The following ZNF236 variants were observed in gnomAD, a reference collection of about 807,000 sequenced individuals.
The protein encoded by ZNF236 is regulated by glucose.
Under a neutral mutation model 191.2 loss-of-function variants are expected in ZNF236, and 50 were observed. That is an observed-to-expected ratio of 0.26 (90% CI 0.21 to 0.33). The LOEUF (loss-of-function observed/expected upper bound fraction) is 0.33, where lower values mean the gene tolerates loss of function less well. ZNF236 is among the 10% of genes least tolerant of loss of function. The pLI, the probability that ZNF236 is intolerant of heterozygous loss-of-function variation, is 1.00. For synonymous variants in ZNF236, 907 were observed against 928.8 expected, an observed-to-expected ratio of 0.98 and a Z score of 0.43; for missense variants, 1,754 against 2,374.5, an observed-to-expected ratio of 0.74 and a Z score of 5.43.
intron 1 of ZNF236, 129 bp from the exon 2 acceptor site, chr18:76,849,397 A>G: frequency 1.5e-6 from 1 of 689,056 alleles, no homozygotes; most frequent in Non-Finnish European, 2.3e-6. Context: ...TATATCATTA[A>G]TTTCGTCTAA....
At chr18:76,855,900 T>A (rs1976028406) in intron 3 of ZNF236, among the ~76,000 whole-genome samples, 1 of 152,172 alleles carries the variant, frequency 6.6e-6, no homozygotes, top group Admixed American at 6.5e-5. Context: ...TTAATAGAAA[T>A]GTGAGATATA....
At position 76,895,004 on chromosome 18, in the gene ZNF236, C is replaced by T. The variant is rs1977358984; in HGVS notation, c.1418-9C>T. On this transcript the variant is annotated splice_polypyrimidine_tract_variant and intron_variant, in intron 9 of 30. Transcript: ENST00000320610. ...CAGGCCAAGCGGGACGTGTCCTCTC[C>T]CTTCACAGGCTCCATCCGCGAGGAG... 1.2e-6 allele frequency: 2 copies of T among 1,607,260 alleles called. No homozygotes were observed. The highest frequency in any genetic ancestry group is 2.2e-5 in the East Asian group (1 of 44,896).
In ZNF236 at chr18:76,899,166, C is replaced by G; in HGVS notation, c.1838C>G (p.Thr613Arg). The G allele has an allele frequency of 1.2e-6, 2 of 1,614,140 alleles. No individual in the cohort carries two copies. Among genetic ancestry groups the G allele is most frequent in the Non-Finnish European group, 1.7e-6 (2 of 1,180,000 alleles). Residue 613 changes from threonine to arginine, a missense_variant, in exon 11 of 31, where the codon ACG becomes AGG. Thr to Arg is a moderately conservative substitution (Grantham distance 71). Coordinates refer to ENST00000320610, the MANE Select transcript of ZNF236 (RefSeq NM_001306089.2). Reference sequence around the variant, plus strand: ...CCTGCAAAGGTCCGTGTTGGCAAGACGAATATTCCAGTCCCTGATATTCCT... The same window carrying G: ...CCTGCAAAGGTCCGTGTTGGCAAGAGGAATATTCCAGTCCCTGATATTCCT... ...RKPAKVRVGK[T>R]NIPVPDIPLQ...
intron 27 of ZNF236, among the ~76,000 whole-genome samples, chr18:76,951,381 C>G (rs1436733894): frequency 6.6e-6 from 1 of 152,342 alleles, no homozygotes; most frequent in Non-Finnish European, 1.5e-5. Flanking sequence ...GGAGAACTTG[C>G]TGCAGCTTCT....
intron 3 of ZNF236, among the ~76,000 whole-genome samples, chr18:76,859,870 G>A (rs1363060815): frequency 6.6e-6 from 1 of 152,140 alleles, no homozygotes; most frequent in Admixed American, 6.5e-5. Flanking sequence ...AACATGGGGT[G>A]GCCTGAGGCA....
intron 1 of ZNF236, among the ~76,000 whole-genome samples, chr18:76,837,127 T>TCCCCCCCCCCCCCCCCC (rs57114708): frequency 1.3e-4 from 5 of 37,064 alleles, no homozygotes; most frequent in Admixed American, 3.3e-4. Context: ...CCGCACCCCC[T>TCCCCCCCCCCCCCCCCC]CCCCCCCCCC....
At position 76,866,047 on chromosome 18, in the gene ZNF236, A is replaced by G. The variant is rs73487071; in HGVS notation, c.364-2638A>G. Among the ~76,000 whole-genome samples, 1,245 of 152,332 alleles carry G rather than the reference A, an allele frequency of 8.2e-3. 16 individuals are homozygous for G. Among genetic ancestry groups the G allele is most frequent in the African/African-American group, 0.028 (1,167 of 41,578 alleles). On this transcript the variant is annotated intron_variant, in intron 3 of 30. Coordinates refer to ENST00000320610, the MANE Select transcript of ZNF236 (RefSeq NM_001306089.2). ...AAGAGTAAACCAGAAAAATTACTGT[A>G]GTTTTTAAATCACTTAGGAATTTTT...
intron 10 of ZNF236, chr18:76,898,260 G>A (rs1377394197): frequency 6.6e-6 from 1 of 152,054 alleles, no homozygotes; most frequent in Non-Finnish European, 1.5e-5. Context: ...CCATTTTAAT[G>A]TGTACACTTC....
At chr18:76,903,760 A>G (rs1036055870) in intron 11 of ZNF236, among the ~76,000 whole-genome samples, 2 of 152,062 alleles carry the variant, frequency 1.3e-5, no homozygotes, top group African/African-American at 2.4e-5. Context: ...TACATGGTCA[A>G]CCTGAAGGAA....
chr18:76,950,621 C>T (rs1968382498), intron 27 of ZNF236, among the ~76,000 whole-genome samples: 1 of 152,246 alleles, frequency 6.6e-6, no homozygotes, highest in South Asian at 2.1e-4. Context: ...GTTACTTCTT[C>T]TGCTGAAGTC....
intron 9 of ZNF236, among the ~76,000 whole-genome samples, chr18:76,894,207 T>C (rs1306106086): frequency 3.3e-5 from 5 of 152,216 alleles, no homozygotes. Context: ...AATGGAAAAT[T>C]CCAGAAATAA....
intron 1 of ZNF236, among the ~76,000 whole-genome samples, chr18:76,844,254 A>C (rs1256051676): frequency 6.6e-6 from 1 of 150,620 alleles, no homozygotes; most frequent in African/African-American, 2.4e-5. Context: ...AAAAAAAAAA[A>C]GGAAAAGTAG....
intron 3 of ZNF236, among the ~76,000 whole-genome samples, chr18:76,861,063 C>T (rs1976205487): frequency 6.6e-6 from 1 of 152,200 alleles, no homozygotes; most frequent in Non-Finnish European, 1.5e-5. Context: ...CTGAACTTAG[C>T]ACCCTCATAC....
rs566728088 is a variant in ZNF236 at position 76,831,052 on chromosome 18, T to C, written c.55+8390T>C. 3.9e-5 allele frequency among the ~76,000 whole-genome samples: 6 copies of C among 152,358 alleles called. No individual in the cohort carries two copies. In the East Asian group the frequency reaches 9.6e-4, roughly 24 times the overall value. On this transcript the variant is annotated intron_variant, in intron 1 of 30. Transcript: ENST00000320610. ...CTATTGGTAACATCTTGCATTGGTG[T>C]AGTAAATTTAGCCAATGTTGATACA...
At chr18:76,961,516 T>C (rs1233799846) in intron 30 of ZNF236, among the ~76,000 whole-genome samples, 1 of 152,132 alleles carries the variant, frequency 6.6e-6, no homozygotes, top group Non-Finnish European at 1.5e-5. Flanking sequence ...AACATGCGTG[T>C]GCAAGTGTCT....
chr18:76,960,769 G>A lies in ZNF236; in HGVS notation c.5333G>A (p.Arg1778Gln), dbSNP rs747914320. The A allele has an allele frequency of 5.0e-6, 8 of 1,614,030 alleles. No homozygotes were observed. The highest frequency in any genetic ancestry group is 1.1e-5 in the South Asian group (1 of 91,080). Reference protein sequence around the residue: ...QVHMKKHTGERPYKCAYCVMG... With the variant: ...QVHMKKHTGEQPYKCAYCVMG... ...CACATGAAGAAGCACACGGGGGAGC[G>A]GCCCTACAAGTGTGCCTACTGCGTC... is the stretch of plus-strand genomic sequence containing the variant. The change falls in exon 30 of 31, where the codon CGG (arginine) becomes CAG (glutamine). Residue 1778 changes from arginine to glutamine, a missense_variant. Arg to Gln is a conservative substitution (Grantham distance 43). Around this residue, in one of 5 missense-constraint regions of ZNF236, gnomAD observed 606 missense variants for 761.5 expected, o/e 0.80. Coordinates refer to ENST00000320610, the MANE Select transcript of ZNF236 (RefSeq NM_001306089.2). This position sits in a 1 kb window ranked among gnomAD's most constrained non-coding sequence, Gnocchi z 4.4.
intron 26 of ZNF236, among the ~76,000 whole-genome samples, chr18:76,943,867 G>A (rs1438665844): frequency 6.6e-6 from 1 of 152,122 alleles, no homozygotes; most frequent in East Asian, 1.9e-4. Context: ...GAGGCACAAT[G>A]TTTTGTTTTA....
intron 5 of ZNF236, among the ~76,000 whole-genome samples, chr18:76,872,785 C>A (rs971172244): frequency 7.9e-5 from 12 of 152,168 alleles, no homozygotes; most frequent in African/African-American, 2.9e-4. Flanking sequence ...TAAAATGATC[C>A]ATGCTTTGTC....
chr18:76,877,185 C>T (rs1172263355), intron 6 of ZNF236, among the ~76,000 whole-genome samples: 2 of 152,050 alleles, frequency 1.3e-5, no homozygotes, highest in African/African-American at 4.8e-5. Flanking sequence ...TACTGGTTTC[C>T]ATGGTTTCTG....
Sources: gnomAD v4.1 joint callset for allele counts (sites outside exome capture counted in the v4.1 genomes callset) on GRCh38, gnomAD v4.1.1 for gene constraint, gnomAD v4.1.1 regional missense constraint, Gnocchi (gnomAD v3.1) non-coding constraint, MANE v1.5 for transcripts, NCBI Gene and HGNC (gene_info 2026-07-23, HGNC 2026-07-21) for gene names.